Variants in CA3 observed in about 807,000 individuals in gnomAD.
CA3 encodes the protein carbonic anhydrase 3.
In CA3, 30 loss-of-function variants were observed where a neutral mutation model predicts 35.7. The ratio of observed to expected loss-of-function variants is 0.84; its 90% confidence interval spans 0.63 to 1.14. CA3 has a LOEUF of 1.14. CA3 is among the 50% of genes most tolerant of loss of function. The pLI, the probability that CA3 is intolerant of heterozygous loss-of-function variation, is 0.00. For missense variants in CA3, 295 were observed against 328.5 expected (o/e 0.90, Z 0.79); for synonymous variants, 131 against 130.8 (o/e 1.00, Z -0.01).
intron 2 of CA3, among the ~76,000 whole-genome samples, chr8:85,441,626 G>A (rs541372001): frequency 6.6e-6 from 1 of 152,308 alleles, no homozygotes; most frequent in Admixed American, 6.5e-5. Flanking sequence ...TCTTAGAGAT[G>A]TGAAAGTGGG....
At position 85,439,744 on chromosome 8, in the gene CA3, G is replaced by A. The variant is rs868609513; in HGVS notation, c.67G>A (p.Ala23Thr). 3 of 1,613,880 alleles carry A rather than the reference G, an allele frequency of 1.9e-6. No homozygotes were observed. Among genetic ancestry groups the A allele is most frequent in the Non-Finnish European group, 2.5e-6 (3 of 1,179,910 alleles). Residue 23 changes from alanine (A) to threonine (T), a missense_variant, in exon 2 of 7, where the codon GCC becomes ACC. Transcript: ENST00000285381. ...CCACTGGCATGAACTTTTCCCAAATGCCAAGGGGGAAAACCAGTCGCCCGT... is the reference window on the plus strand; with the variant it reads ...CCACTGGCATGAACTTTTCCCAAATACCAAGGGGGAAAACCAGTCGCCCGT... ...PDHWHELFPN[A>T]KGENQSPVEL... is the part of the protein sequence containing the mutation.
In CA3 at chr8:85,448,165, C is replaced by T. The variant is rs753066123; in HGVS notation, c.*12C>T. The stretch of plus-strand genomic sequence containing the variant: ...CTTCCTTCAAATGAGGCTGCTGGAT[C>T]TTGCCCTCTTCAGGAAAGGAAACCT... On this transcript the variant is annotated 3_prime_UTR_variant, in exon 7 of 7. Coordinates refer to ENST00000285381, the MANE Select transcript of CA3 (RefSeq NM_005181.4). 1.2e-6 allele frequency: 2 copies of T among 1,607,836 alleles called. No individual in the cohort carries two copies. Among genetic ancestry groups the T allele is most frequent in the South Asian group, 2.2e-5 (2 of 89,392 alleles).
chr8:85,439,546 C>G (rs1405462797), intron 1 of CA3, among the ~76,000 whole-genome samples, 166 bp from the exon 2 acceptor site: 1 of 152,188 alleles, frequency 6.6e-6, no homozygotes, highest in African/African-American at 2.4e-5. Context: ...CACAAAACTA[C>G]CAACAGGCCT....
chr8:85,443,981 C>T, intron 3 of CA3, 53 bp from the exon 4 acceptor site: 1 of 1,200,056 alleles, frequency 8.3e-7, no homozygotes, highest in Non-Finnish European at 1.2e-6. Context: ...TAATGTTGTA[C>T]TTATTTCCAT....
Position 85,438,916 on chromosome 8 carries a change from A to G in CA3, c.7A>G (p.Lys3Glu). 3.9e-6 allele frequency: 6 copies of G among 1,551,176 alleles called. No individual in the cohort carries two copies. Among genetic ancestry groups the G allele is most frequent in the Non-Finnish European group, 5.2e-6 (6 of 1,146,996 alleles). MA[K>E]EWGYASHNGP... ...AGCACGGAGGAAGGCGACCATGGCC[A>G]AGGAGTGGGGCTACGCCAGTCACAA... Residue 3 changes from lysine (K) to glutamate (E), a missense_variant, in exon 1 of 7, where the codon AAG (lysine) becomes GAG (glutamate). Lys to Glu is a moderately conservative substitution (Grantham distance 56, BLOSUM62 1). Transcript: ENST00000285381.
At chr8:85,447,808 A>C in intron 6 of CA3, among the ~76,000 whole-genome samples, 1 of 152,304 alleles carries the variant, frequency 6.6e-6, no homozygotes, top group South Asian at 2.1e-4. Flanking sequence ...CTGAGGCAGG[A>C]GAATCGCTTG....
Position 85,438,872 on chromosome 8 carries a change from G to A in CA3, c.-38G>A. ...GGCGACTCTGCACCACGCAGGGGAA[G>A]AGAAAGCAGGAGCCGTCCAGCACGG... On this transcript the variant is annotated 5_prime_UTR_variant, in exon 1 of 7. Transcript: ENST00000285381. 6.4e-7 allele frequency: 1 copy of A among 1,550,626 alleles called. No homozygotes were observed. The highest frequency in any genetic ancestry group is 8.7e-7 in the Non-Finnish European group (1 of 1,146,844).
Position 85,448,059 on chromosome 8 carries a change from C to T in CA3, c.689C>T (p.Ser230Phe). 1 of 1,613,078 alleles carries T rather than the reference C, an allele frequency of 6.2e-7. No individual in the cohort carries two copies. Among genetic ancestry groups the T allele is most frequent in the Middle Eastern group, 1.7e-4 (1 of 6,038 alleles). ...DQMAKLRSLL[S>F]SAENEPPVPL... The stretch of plus-strand genomic sequence containing the variant: ...ATGGCCAAGCTGCGGAGCCTCCTCT[C>T]CAGTGCTGAGAACGAGCCCCCAGTG... Residue 230 changes from serine to phenylalanine, a missense_variant, in exon 7 of 7, where the codon TCC becomes TTC. Coordinates refer to ENST00000285381, the MANE Select transcript of CA3 (RefSeq NM_005181.4).
intron 5 of CA3, among the ~76,000 whole-genome samples, chr8:85,445,531 C>CACAT (rs1811275781): frequency 7.1e-6 from 1 of 141,264 alleles, no homozygotes; most frequent in East Asian, 2.2e-4. Flanking sequence ...CACACACACA[C>CACAT]ACACACACAC....
At chr8:85,447,406 C>T (rs568081743) in intron 6 of CA3, among the ~76,000 whole-genome samples, 2 of 152,284 alleles carry the variant, frequency 1.3e-5, no homozygotes, top group South Asian at 4.1e-4. Context: ...GTAGTTCATA[C>T]TGACCCCTCA....
intron 2 of CA3, chr8:85,441,722 C>G: frequency 4.8e-6 from 1 of 206,864 alleles, no homozygotes; most frequent in Non-Finnish European, 9.9e-6. Context: ...ACCTGGTTCT[C>G]AACTGTCCAG....
chr8:85,446,302 G>A lies in CA3; in HGVS notation c.663+5G>A. ...ATGACCGTGAGCTCTGACCAGGTGAGCAGCCTTGTGAACACGTGGGCTTAT... is the reference window on the plus strand; with the variant it reads ...ATGACCGTGAGCTCTGACCAGGTGAACAGCCTTGTGAACACGTGGGCTTAT... On this transcript the variant is annotated splice_donor_5th_base_variant and intron_variant, in intron 6 of 6. Transcript: ENST00000285381. 3.1e-6 allele frequency: 5 copies of A among 1,610,118 alleles called. No homozygotes were observed. The highest frequency in any genetic ancestry group is 4.2e-6 in the Non-Finnish European group (5 of 1,177,086).
At position 85,448,234 on chromosome 8, in the gene CA3, A is replaced by G. The variant is rs539874247; in HGVS notation, c.*81A>G. The stretch of plus-strand genomic sequence containing the variant: ...TCCTTGCCTCCTTCTGGTGCTCCTT[A>G]CTCCAAGTCTATTTCATTTTTCCAC... On this transcript the variant is annotated 3_prime_UTR_variant, in exon 7 of 7. Transcript: ENST00000285381. The G allele has an allele frequency of 7.2e-7, 1 of 1,393,494 alleles. No individual in the cohort carries two copies. The highest frequency in any genetic ancestry group is 1.5e-5 in the South Asian group (1 of 67,064). 86.3% of individuals were successfully genotyped at this position (1,393,494 alleles called of 1,614,324 possible). A position where few individuals can be genotyped will look rare whatever the true frequency, so the allele number is the denominator to read the frequency against.
chr8:85,445,239 C>CTTTA (rs1455308669), intron 5 of CA3, 21 bp downstream of exon 5: 1 of 1,506,194 alleles, frequency 6.6e-7, no homozygotes, highest in Non-Finnish European at 9.1e-7. Context: ...ATCATTTTCC[C>CTTTA]TCCTAAAACA....
At chr8:85,445,271 T>C in intron 5 of CA3, 53 bp downstream of exon 5, 1 of 1,199,618 alleles carries the variant, frequency 8.3e-7, no homozygotes, top group African/African-American at 1.5e-5. Context: ...ATGCAGATTT[T>C]CTTTACATAT....
chr8:85,447,425 G>T (rs868234281), intron 6 of CA3, among the ~76,000 whole-genome samples: 1 of 152,194 alleles, frequency 6.6e-6, no homozygotes, highest in Non-Finnish European at 1.5e-5. Flanking sequence ...CAAATAAAAA[G>T]TAAATGTTTC....
rs1433042926 is a variant in CA3 at position 85,448,237 on chromosome 8, C to G, written c.*84C>G. 7.2e-7 allele frequency: 1 copy of G among 1,388,444 alleles called. No individual in the cohort carries two copies. Among genetic ancestry groups the G allele is most frequent in the East Asian group, 2.4e-5 (1 of 42,156 alleles). 86.0% of individuals were successfully genotyped at this position (1,388,444 alleles called of 1,614,324 possible). On this transcript the variant is annotated 3_prime_UTR_variant, in exon 7 of 7. Transcript: ENST00000285381. ...TTGCCTCCTTCTGGTGCTCCTTACT[C>G]CAAGTCTATTTCATTTTTCCACACT... is the stretch of plus-strand genomic sequence containing the variant.
intron 6 of CA3, 64 bp from the exon 7 acceptor site, chr8:85,447,968 CTT>C (rs1438052774): frequency 1.9e-5 from 29 of 1,502,442 alleles, no homozygotes; most frequent in Non-Finnish European, 2.4e-5. Context: ...ATTTATACCT[CTT>C]TGTCACGTAG....
chr8:85,440,625 C>T (rs563213941), intron 2 of CA3, among the ~76,000 whole-genome samples: 12 of 152,184 alleles, frequency 7.9e-5, no homozygotes, highest in East Asian at 3.9e-4. Flanking sequence ...CTTTATTTCA[C>T]GATAAATGAG....
Sources: gnomAD v4.1 joint callset for allele counts (sites outside exome capture counted in the v4.1 genomes callset) on GRCh38, gnomAD v4.1.1 for gene constraint, MANE v1.5 for transcripts, NCBI Gene and HGNC (gene_info 2026-07-23, HGNC 2026-07-21) for gene names.